The following ELFN1 variants were observed in gnomAD, a reference collection of about 807,000 sequenced individuals.
ELFN1 encodes extracellular leucine rich repeat and fibronectin type III domain containing 1.
ELFN1 carries 6 observed loss-of-function variants against 7.6 expected under a neutral mutation model. The ratio of observed to expected loss-of-function variants is 0.79; its 90% CI spans 0.43 to 1.56. The LOEUF is 1.56. Ranked by LOEUF, ELFN1 falls within the 40% of genes most tolerant of loss-of-function variation. The pLI is 0.01. For synonymous variants in ELFN1, 657 were observed against 588.1 expected (o/e 1.12, Z -1.70); for missense variants, 1,169 against 1,232.2 (o/e 0.95, Z 0.77).
At chr7:1,720,201 G>A (rs527878640) in intron 3 of ELFN1, among the ~76,000 whole-genome samples, 1 of 152,208 alleles carries the variant, frequency 6.6e-6, no homozygotes, top group African/African-American at 2.4e-5. Context: ...CTGTCCCAGG[G>A]AAGCCACTAT....
Position 1,746,251 on chromosome 7 carries a change from TG to T in ELFN1, c.1657del (p.Ala553ProfsTer131). Reference sequence around the variant, plus strand: ...CCGGGCCCCGACAGCCAGAGTTCGGTGGCCGAGATCTCCACCATCGCCAAGG... The same window carrying T: ...CCGGGCCCCGACAGCCAGAGTTCGGTGCCGAGATCTCCACCATCGCCAAGG... ...GRPGPDSQSS[V>X]AEISTIAKEV... On this transcript the variant is annotated frameshift_variant, in exon 4 of 4. Transcript: ENST00000424383. LOFTEE classifies it low-confidence loss of function (END_TRUNC). The T allele has an allele frequency of 7.1e-7, 1 of 1,404,578 alleles. No individual in the cohort carries two copies. Among genetic ancestry groups the T allele is most frequent in the Non-Finnish European group, 9.3e-7 (1 of 1,071,496 alleles). 87.0% of individuals were successfully genotyped at this position (1,404,578 alleles called of 1,614,324 possible).
chr7:1,743,447 A>G (rs1780684771), intron 3 of ELFN1, among the ~76,000 whole-genome samples: 2 of 152,184 alleles, frequency 1.3e-5, no homozygotes, highest in Admixed American at 1.3e-4. Context: ...CCTTCCTTCC[A>G]GAAGGGAGGT....
At position 1,747,165 on chromosome 7, in the gene ELFN1, C is replaced by T. The variant is rs1488053590; in HGVS notation, c.*82C>T. 13 of 1,355,570 alleles carry T rather than the reference C, an allele frequency of 9.6e-6. No individual in the cohort carries two copies. Among genetic ancestry groups the T allele is most frequent in the Admixed American group, 3.2e-5 (1 of 30,886 alleles). The allele number at this position is 1,355,570 out of a possible 1,614,324, so 84.0% of individuals were successfully genotyped here. On this transcript the variant is annotated 3_prime_UTR_variant, in exon 4 of 4. Transcript: ENST00000424383. ...GACTCAGCACCAAACCCAACACACG[C>T]ACGCCACCACAGCAACTGTGACAGC...
chr7:1,668,330 C>G (rs1778702728), upstream of ELFN1, among the ~76,000 whole-genome samples: 1 of 152,252 alleles, frequency 6.6e-6, no homozygotes, highest in Non-Finnish European at 1.5e-5. Context: ...CGGGCAGGCG[C>G]CCAGCACAGC....
Position 1,712,640 on chromosome 7 carries a change from C to T in ELFN1, c.-294+3388C>T, listed in dbSNP as rs375840966. 3.1e-3 allele frequency among the ~76,000 whole-genome samples: 465 copies of T among 151,610 alleles called. 2 individuals are homozygous for T. The highest frequency in any genetic ancestry group is 0.011 in the African/African-American group (438 of 41,026). ...AGAGACGGGGTTTCGCCATGTTGGC[C>T]AGGCTGGTCTCAAACTCCTGACCTC... On this transcript the variant is annotated intron_variant, in intron 3 of 3. Transcript: ENST00000424383.
chr7:1,722,823 A>G (rs1482274020), intron 3 of ELFN1, among the ~76,000 whole-genome samples: 1 of 152,192 alleles, frequency 6.6e-6, no homozygotes, highest in Non-Finnish European at 1.5e-5. Flanking sequence ...ATGAATACCT[A>G]AATACCCACC....
intron 3 of ELFN1, among the ~76,000 whole-genome samples, chr7:1,726,659 T>C (rs114272911): frequency 0.056 from 8,490 of 152,212 alleles, 764 homozygotes; most frequent in African/African-American, 0.19. Context: ...CTTCTCCCTC[T>C]ACCTCCTGGA....
rs928721777 is a variant in ELFN1 at position 1,747,559 on chromosome 7, G to A, written c.*476G>A. 2 of 165,796 alleles carry A rather than the reference G, an allele frequency of 1.2e-5. No homozygotes were observed. The highest frequency in any genetic ancestry group is 2.4e-5 in the African/African-American group (1 of 41,458). The allele number at this position is 165,796 out of a possible 1,614,324, so 10.3% of individuals were successfully genotyped here. On this transcript the variant is annotated 3_prime_UTR_variant, in exon 4 of 4. Transcript: ENST00000424383. The stretch of plus-strand genomic sequence containing the variant: ...GCGTGGCCACCTCGGGGCCCCTCAC[G>A]TGATCTCCTCGGTCCGTGGTTTTCT...
chr7:1,715,175 C>T (rs1020551177), intron 3 of ELFN1, among the ~76,000 whole-genome samples: 20 of 152,334 alleles, frequency 1.3e-4, no homozygotes, highest in Admixed American at 1.3e-4. Context: ...GTCACTGCTG[C>T]CTTTGGGTTG....
At chr7:1,741,050 A>C (rs1279002714) in intron 3 of ELFN1, among the ~76,000 whole-genome samples, 1 of 151,646 alleles carries the variant, frequency 6.6e-6, no homozygotes, top group Non-Finnish European at 1.5e-5. Flanking sequence ...GAATCACTTG[A>C]ACCCAGGAGG....
intron 1 of ELFN1, among the ~76,000 whole-genome samples, chr7:1,672,169 C>T (rs1157310459): frequency 6.6e-6 from 1 of 152,208 alleles, no homozygotes; most frequent in Non-Finnish European, 1.5e-5. Context: ...CAGAGCCACA[C>T]TCCTGAGGCC....
At chr7:1,679,079 C>T (rs543727078) in intron 1 of ELFN1, among the ~76,000 whole-genome samples, 4 of 152,144 alleles carry the variant, frequency 2.6e-5, no homozygotes, top group East Asian at 1.9e-4. Flanking sequence ...TGATTATGCC[C>T]GTCTTGCAGG....
rs77242801 is a variant in ELFN1 at position 1,740,161 on chromosome 7, G to A, written c.-293-4143G>A. ...GGGGTGCCCATTCCAGAGGCGCCAC[G>A]GCCTCTGTGTCTCCCTGAGGCAGGA... On this transcript the variant is annotated intron_variant, in intron 3 of 3. Transcript: ENST00000424383. This position sits in a 1 kb window ranked among gnomAD's most constrained non-coding sequence, Gnocchi z 5.0. Among the ~76,000 whole-genome samples, 91 of 152,270 alleles carry A rather than the reference G, an allele frequency of 6.0e-4. No homozygotes were observed. The East Asian group carries it at 0.017, about 28-fold the overall frequency.
intron 2 of ELFN1, among the ~76,000 whole-genome samples, chr7:1,699,077 C>T (rs1412083995): frequency 6.6e-6 from 1 of 152,216 alleles, no homozygotes; most frequent in Non-Finnish European, 1.5e-5. Flanking sequence ...CTGCACATTG[C>T]ACCTGCGAAA....
At chr7:1,675,098 G>T (rs1022481467) in intron 1 of ELFN1, among the ~76,000 whole-genome samples, 1 of 67,042 alleles carries the variant, frequency 1.5e-5, no homozygotes, top group South Asian at 3.9e-4. Flanking sequence ...GGCAGCCCAC[G>T]GCGTGGAGGT....
intron 2 of ELFN1, among the ~76,000 whole-genome samples, chr7:1,708,216 T>G (rs1479388572): frequency 6.6e-6 from 1 of 152,220 alleles, no homozygotes; most frequent in Non-Finnish European, 1.5e-5. Flanking sequence ...ACTTCCCTTC[T>G]CAGCCTCAGT....
At position 1,673,151 on chromosome 7, in the gene ELFN1, G is replaced by A. The variant is rs1163365699; in HGVS notation, c.-549+2797G>A. Among the ~76,000 whole-genome samples, 2 of 152,118 alleles carry A rather than the reference G, an allele frequency of 1.3e-5. No individual in the cohort carries two copies. The highest frequency in any genetic ancestry group is 2.4e-5 in the African/African-American group (1 of 41,416). Reference sequence around the variant, plus strand: ...GGTTTCTTCCAGCACAAGCTCAGGTGTCAAGTGGCCTTGGGTGGGTGTTTG... The same window carrying A: ...GGTTTCTTCCAGCACAAGCTCAGGTATCAAGTGGCCTTGGGTGGGTGTTTG... On this transcript the variant is annotated intron_variant, in intron 1 of 3. Transcript: ENST00000424383. The surrounding 1 kb of genome is among the most constrained non-coding windows in gnomAD (Gnocchi z 4.7).
chr7:1,711,993 C>T (rs1260869492), intron 3 of ELFN1, among the ~76,000 whole-genome samples: 1 of 152,226 alleles, frequency 6.6e-6, no homozygotes, highest in Non-Finnish European at 1.5e-5. Flanking sequence ...AGGGCGAGGA[C>T]AGCAGACTGG....
chr7:1,695,768 A>AAC lies in ELFN1; in HGVS notation c.-456+7619_-456+7620insCA, dbSNP rs1467165166. Among the ~76,000 whole-genome samples, 1 of 151,644 alleles carries AAC rather than the reference A, an allele frequency of 6.6e-6. No individual in the cohort carries two copies. The highest frequency in any genetic ancestry group is 1.9e-4 in the East Asian group (1 of 5,152). On this transcript the variant is annotated intron_variant, in intron 2 of 3. Transcript: ENST00000424383. This position sits in a 1 kb window ranked among gnomAD's most constrained non-coding sequence, Gnocchi z 5.1. ...GTGTCAAAAAAAAAAAAAAAAAAAA[A>AAC]AAAACCGTGCTGGTTTGGTTTCACT... is the stretch of plus-strand genomic sequence containing the variant.
Sources: allele counts gnomAD v4.1 joint callset (sites outside exome capture counted in the v4.1 genomes callset), GRCh38; gene constraint gnomAD v4.1.1; non-coding constraint Gnocchi (gnomAD v3.1); transcripts MANE v1.5; gene names NCBI Gene and HGNC (gene_info 2026-07-23, HGNC 2026-07-21).